Variants in SGCD observed in about 807,000 individuals in gnomAD.
SGCD encodes delta-sarcoglycan.
SGCD carries 18 observed loss-of-function variants against 36.6 expected under a neutral mutation model. The observed-to-expected ratio is 0.49, with a 90% CI of 0.34 to 0.73. The LOEUF (loss-of-function observed/expected upper bound fraction) is 0.73. Among genes scored for constraint, SGCD ranks in the 30% least tolerant of loss-of-function variants. The pLI, the probability that SGCD is intolerant of heterozygous loss-of-function variation, is 0.01. For synonymous variants in SGCD, 133 were observed against 130.6 expected, an observed-to-expected ratio of 1.02 and a Z score of -0.12; for missense variants, 387 against 346.7, an observed-to-expected ratio of 1.12 and a Z score of -0.92.
intron 3 of SGCD, among the ~76,000 whole-genome samples, chr5:156,432,615 C>G (rs1753072389): frequency 6.6e-6 from 1 of 152,126 alleles, no homozygotes; most frequent in African/African-American, 2.4e-5. Flanking sequence ...AGCACAGACT[C>G]TCTCTCCTTG....
intron 1 of SGCD, among the ~76,000 whole-genome samples, chr5:156,025,877 CA>C (rs1262097552): frequency 2.0e-5 from 3 of 152,196 alleles, no homozygotes; most frequent in Non-Finnish European, 4.4e-5. Flanking sequence ...TAGTTTTGTT[CA>C]TGCTGTTTAA....
intron 6 of SGCD, among the ~76,000 whole-genome samples, chr5:156,598,625 AC>A (rs747792182): frequency 9.2e-5 from 14 of 152,242 alleles, no homozygotes; most frequent in Non-Finnish European, 1.3e-4. Context: ...GTTATCTCAC[AC>A]CCAGATCATT....
At chr5:156,092,928 T>A (rs1380776513) in intron 1 of SGCD, among the ~76,000 whole-genome samples, 1 of 152,234 alleles carries the variant, frequency 6.6e-6, no homozygotes, top group Non-Finnish European at 1.5e-5. Context: ...TTCTGTTGTG[T>A]TAAGAACTGA....
At chr5:156,414,821 A>AT (rs1440133374) in intron 3 of SGCD, among the ~76,000 whole-genome samples, 1 of 152,148 alleles carries the variant, frequency 6.6e-6, no homozygotes, top group Non-Finnish European at 1.5e-5. Flanking sequence ...TAACAAAGTG[A>AT]TTTTTCTAGC....
Position 156,268,416 on chromosome 5 carries a change from T to A in SGCD, c.-43-61118T>A, listed in dbSNP as rs146503691. Among the ~76,000 whole-genome samples, 8 of 152,356 alleles carry A rather than the reference T, an allele frequency of 5.3e-5. No individual in the cohort carries two copies. The South Asian group carries it at 1.0e-3, about 20-fold the overall frequency. On this transcript the variant is annotated intron_variant, in intron 3 of 9. Coordinates refer to the SGCD transcript ENST00000517913. The stretch of plus-strand genomic sequence containing the variant: ...GCTTTACACAATGGTTGAACTAATT[T>A]ACTCTCCCACCAACAGTGTATAAGT...
chr5:156,464,429 C>T (rs567844109), intron 3 of SGCD, among the ~76,000 whole-genome samples: 2 of 152,116 alleles, frequency 1.3e-5, no homozygotes, highest in South Asian at 4.2e-4. Context: ...ACCATGTTGG[C>T]CAGGCTGGTC....
chr5:156,343,357 G>C (rs1186631358), intron 2 of SGCD, among the ~76,000 whole-genome samples: 3 of 152,174 alleles, frequency 2.0e-5, no homozygotes, highest in Non-Finnish European at 4.4e-5. Context: ...GATAGGCAGT[G>C]GGGGTCCTGT....
chr5:155,736,099 A>T, the SGCD span, among the ~76,000 whole-genome samples: 1 of 152,214 alleles, frequency 6.6e-6, no homozygotes, highest in Non-Finnish European at 1.5e-5. Flanking sequence ...ATCCTCAGAC[A>T]CAGAAACATG....
At chr5:156,644,380 C>T (rs1458935579) in intron 6 of SGCD, among the ~76,000 whole-genome samples, 1 of 152,014 alleles carries the variant, frequency 6.6e-6, no homozygotes, top group African/African-American at 2.4e-5. Flanking sequence ...TTAATTTTCT[C>T]AGGTCAGTCT....
chr5:155,895,116 G>T (rs1756218952), intron 1 of SGCD, among the ~76,000 whole-genome samples: 1 of 152,182 alleles, frequency 6.6e-6, no homozygotes, highest in South Asian at 2.1e-4. Flanking sequence ...TACAGCTACA[G>T]GGGCTACAAG....
intron 3 of SGCD, among the ~76,000 whole-genome samples, chr5:156,155,307 T>C (rs1027912376): frequency 6.6e-6 from 1 of 151,496 alleles, no homozygotes; most frequent in African/African-American, 2.4e-5. Flanking sequence ...TAGGGTAGCT[T>C]AGAGATTATG....
Position 156,765,453 on chromosome 5 carries a change from CAA to C in SGCD, c.*6067_*6068del, listed in dbSNP as rs1389046112. On this transcript the variant is annotated 3_prime_UTR_variant, in exon 9 of 9. Coordinates refer to ENST00000337851, the MANE Select transcript of SGCD (RefSeq NM_000337.6). ...TGAGCCAATCTATGAAACTTCTCCC[CAA>C]AAAGAACCACCCCACAAAATCTTGC... The C allele has an allele frequency of 6.6e-6, 1 of 152,016 alleles. No individual in the cohort carries two copies. Among genetic ancestry groups the C allele is most frequent in the Non-Finnish European group, 1.5e-5 (1 of 67,986 alleles). 9.4% of individuals were successfully genotyped at this position (152,016 alleles called of 1,614,324 possible).
intron 1 of SGCD, among the ~76,000 whole-genome samples, chr5:156,034,661 A>G (rs1255252136): frequency 6.6e-6 from 1 of 152,196 alleles, no homozygotes; most frequent in Non-Finnish European, 1.5e-5. Context: ...AATTTCCAGT[A>G]TAAAAACCAG....
At chr5:156,700,094 C>T (rs1308437978) in intron 7 of SGCD, among the ~76,000 whole-genome samples, 2 of 152,168 alleles carry the variant, frequency 1.3e-5, no homozygotes, top group Non-Finnish European at 2.9e-5. Flanking sequence ...AACTAAACTC[C>T]ATCCTCAGTC....
intron 1 of SGCD, among the ~76,000 whole-genome samples, chr5:156,100,457 C>T (rs899430314): frequency 1.3e-5 from 2 of 152,248 alleles, no homozygotes; most frequent in Non-Finnish European, 2.9e-5. Context: ...TATGTGTATG[C>T]ATGTGTTTTG....
chr5:155,798,870 C>T, the SGCD span, among the ~76,000 whole-genome samples: 38 of 152,290 alleles, frequency 2.5e-4, no homozygotes, highest in Non-Finnish European at 5.0e-4. Flanking sequence ...TACTATGATA[C>T]ATATGTTCGT....
intron 3 of SGCD, among the ~76,000 whole-genome samples, chr5:156,418,299 C>T (rs1055323218): frequency 6.6e-6 from 1 of 152,126 alleles, no homozygotes; most frequent in Non-Finnish European, 1.5e-5. Flanking sequence ...TTGCAGATAA[C>T]ATAAATTGAC....
At position 156,001,810 on chromosome 5, in the gene SGCD, G is replaced by A. The variant is rs114982081; in HGVS notation, c.-281-116068G>A. On this transcript the variant is annotated intron_variant, in intron 1 of 9. Transcript: ENST00000517913. ...TAAATGTAGCAAGCAGGACTCGGGC[G>A]GAGCCCCAGTCCTCCTGGCTGACCC... Among the ~76,000 whole-genome samples the A allele has an allele frequency of 5.9e-3, 904 of 152,336 alleles. 14 individuals are homozygous for A. Among genetic ancestry groups the A allele is most frequent in the African/African-American group, 0.02 (841 of 41,582 alleles).
intron 7 of SGCD, among the ~76,000 whole-genome samples, chr5:156,699,419 C>T (rs1754443839): frequency 6.6e-6 from 1 of 152,046 alleles, no homozygotes; most frequent in Non-Finnish European, 1.5e-5. Flanking sequence ...AAAGGCTGTT[C>T]CTTTACTATC....
Sources: gnomAD v4.1 joint callset for allele counts (sites outside exome capture counted in the v4.1 genomes callset) on GRCh38, gnomAD v4.1.1 for gene constraint, MANE v1.5 for transcripts, NCBI Gene and HGNC (gene_info 2026-07-23, HGNC 2026-07-21) for gene names.